RPS6KA2: variants seen among roughly 807,000 people sequenced by gnomAD.
RPS6KA2 encodes the protein ribosomal protein S6 kinase A2.
A neutral mutation model predicts 91.8 loss-of-function variants in RPS6KA2; 42 were observed. That is an observed-to-expected ratio of 0.46 (90% confidence interval 0.36 to 0.59). The LOEUF is 0.59. RPS6KA2 is among the 20% of genes least tolerant of loss of function. The pLI, the probability that RPS6KA2 is intolerant of heterozygous loss-of-function variation, is 0.00. For synonymous variants in RPS6KA2, 414 were observed against 393.6 expected, an observed-to-expected ratio of 1.05 and a Z score of -0.61; for missense variants, 798 against 978.5, an observed-to-expected ratio of 0.82 and a Z score of 2.46.
At chr6:166,571,228 A>C (rs1008944634) in intron 1 of RPS6KA2, among the ~76,000 whole-genome samples, 1 of 152,210 alleles carries the variant, frequency 6.6e-6, no homozygotes, top group African/African-American at 2.4e-5. Flanking sequence ...GAAATTCATC[A>C]GGTGAAAAAT....
intron 2 of RPS6KA2, among the ~76,000 whole-genome samples, chr6:166,681,678 C>G (rs1417552203): frequency 4.4e-5 from 3 of 68,808 alleles, no homozygotes; most frequent in Non-Finnish European, 8.1e-5. Flanking sequence ...CTCCCTGGAT[C>G]TCCCCCTGCC....
At chr6:166,792,131 T>C (rs1000920724) in intron 2 of RPS6KA2, among the ~76,000 whole-genome samples, 8 of 151,448 alleles carry the variant, frequency 5.3e-5, no homozygotes, top group Non-Finnish European at 1.2e-4. Flanking sequence ...GCAAGACTAA[T>C]AAAGAAGAAA....
Position 166,813,199 on chromosome 6 carries a change from T to C in RPS6KA2, c.123+45001A>G, listed in dbSNP as rs149694400. 2.1e-3 allele frequency among the ~76,000 whole-genome samples: 322 copies of C among 152,080 alleles called. 1 individual carries two copies. The highest frequency in any genetic ancestry group is 3.1e-3 in the Non-Finnish European group (210 of 68,004). On this transcript the variant is annotated intron_variant, in intron 2 of 21. Coordinates refer to the RPS6KA2 transcript ENST00000503859. ...GGAGGTAGGTCCACAGGCCTGCATT[T>C]AACAAGCGGAAGCCAGCACACGTGC... is the stretch of plus-strand genomic sequence containing the variant.
Position 166,648,177 on chromosome 6 carries a change from C to A in RPS6KA2, c.124-109393G>T, listed in dbSNP as rs1202828842. ...TTACACACCCATGCACACATGCTCA[C>A]ACACATGCACACATGCTCATACACA... On this transcript the variant is annotated intron_variant, in intron 2 of 21. Coordinates refer to the RPS6KA2 transcript ENST00000503859. The surrounding 1 kb of genome is among the most constrained non-coding windows in gnomAD (Gnocchi z 4.8). Among the ~76,000 whole-genome samples the A allele has an allele frequency of 1.3e-5, 2 of 149,792 alleles. No individual in the cohort carries two copies. The highest frequency in any genetic ancestry group is 3.0e-5 in the Non-Finnish European group (2 of 67,284).
intron 2 of RPS6KA2, among the ~76,000 whole-genome samples, chr6:166,816,643 T>C (rs1248517167): frequency 6.6e-6 from 1 of 152,066 alleles, no homozygotes; most frequent in Non-Finnish European, 1.5e-5. Flanking sequence ...TGAAAAAACA[T>C]ATAAGTAGAT....
At chr6:166,541,641 C>T (rs1246867065) in intron 1 of RPS6KA2, among the ~76,000 whole-genome samples, 3 of 152,206 alleles carry the variant, frequency 2.0e-5, no homozygotes, top group East Asian at 1.9e-4. Context: ...CTCAGCACTT[C>T]CAAATTGCCA....
At chr6:166,598,429 G>C (rs1054985388) in intron 1 of RPS6KA2, among the ~76,000 whole-genome samples, 1 of 152,198 alleles carries the variant, frequency 6.6e-6, no homozygotes, top group Non-Finnish European at 1.5e-5. Flanking sequence ...GCAAAATTAA[G>C]ACTGGATTCT....
intron 2 of RPS6KA2, among the ~76,000 whole-genome samples, chr6:166,652,026 A>G (rs1787869668): frequency 6.6e-6 from 1 of 152,262 alleles, no homozygotes; most frequent in East Asian, 1.9e-4. Flanking sequence ...CTGCTAGTAG[A>G]CTTTCAACGC....
At position 166,418,190 on chromosome 6, in the gene RPS6KA2, G is replaced by C; in HGVS notation, c.1938+35C>G. On this transcript the variant is annotated intron_variant, in intron 19 of 20. Coordinates refer to ENST00000265678, the MANE Select transcript of RPS6KA2 (RefSeq NM_021135.6). This position sits in a 1 kb window ranked among gnomAD's most constrained non-coding sequence, Gnocchi z 4.9. The stretch of plus-strand genomic sequence containing the variant: ...AAATCATATGGCTATTTCAGAATCT[G>C]AATATTTAAAAGCAACGCTGGGACA... The C allele has an allele frequency of 7.2e-7, 1 of 1,384,546 alleles. No homozygotes were observed. The highest frequency in any genetic ancestry group is 1.0e-6 in the Non-Finnish European group (1 of 980,728). 85.8% of individuals were successfully genotyped at this position (1,384,546 alleles called of 1,614,324 possible). A position where few individuals can be genotyped will look rare whatever the true frequency, so the allele number is the denominator to read the frequency against.
intron 1 of RPS6KA2, among the ~76,000 whole-genome samples, chr6:166,566,201 C>G (rs1337190289): frequency 6.6e-6 from 1 of 152,204 alleles, no homozygotes; most frequent in Admixed American, 6.5e-5. Flanking sequence ...GCGCAGGCTG[C>G]TACTGCAGGG....
chr6:166,561,909 C>G (rs1784356919), intron 1 of RPS6KA2, among the ~76,000 whole-genome samples: 1 of 152,062 alleles, frequency 6.6e-6, no homozygotes, highest in African/African-American at 2.4e-5. Flanking sequence ...GAGCGGCCAC[C>G]AGAAGCCAAG....
Position 166,508,800 on chromosome 6 carries a change from C to T in RPS6KA2, c.380-518G>A, listed in dbSNP as rs1428457649. On this transcript the variant is annotated intron_variant, in intron 4 of 20. Coordinates refer to ENST00000265678, the MANE Select transcript of RPS6KA2 (RefSeq NM_021135.6). The surrounding 1 kb of genome is among the most constrained non-coding windows in gnomAD (Gnocchi z 4.3). ...TAGGTCAGCCCAGTTATTTGAACAT[C>T]AACAATGGGGCTCACGTCCTAGGTC... 2.0e-5 allele frequency among the ~76,000 whole-genome samples: 3 copies of T among 152,166 alleles called. No homozygotes were observed. Among genetic ancestry groups the T allele is most frequent in the Non-Finnish European group, 4.4e-5 (3 of 68,032 alleles).
At position 166,648,973 on chromosome 6, in the gene RPS6KA2, C is replaced by T. The variant is rs1034822168; in HGVS notation, c.124-110189G>A. On this transcript the variant is annotated intron_variant, in intron 2 of 21. Coordinates refer to the RPS6KA2 transcript ENST00000503859. The surrounding 1 kb of genome is among the most constrained non-coding windows in gnomAD (Gnocchi z 4.8). Reference sequence around the variant, plus strand: ...TCATGCCAGCCCTACTAATGGGCTCCTTCCTTCGCCCCTCCTCCAGTCTAG... The same window carrying T: ...TCATGCCAGCCCTACTAATGGGCTCTTTCCTTCGCCCCTCCTCCAGTCTAG... Among the ~76,000 whole-genome samples, 2 of 152,200 alleles carry T rather than the reference C, an allele frequency of 1.3e-5. No homozygotes were observed. Among genetic ancestry groups the T allele is most frequent in the African/African-American group, 4.8e-5 (2 of 41,436 alleles).
At chr6:166,430,267 T>C (rs1779076218) in intron 16 of RPS6KA2, among the ~76,000 whole-genome samples, 186 bp downstream of exon 16, 2 of 152,092 alleles carry the variant, frequency 1.3e-5, no homozygotes, top group Admixed American at 1.3e-4. Flanking sequence ...TGCACCCGGC[T>C]GGGAAGAGAA....
chr6:166,681,699 C>CCCCCCACCCCCCA (rs1562380174), intron 2 of RPS6KA2, among the ~76,000 whole-genome samples: 1 of 62,642 alleles, frequency 1.6e-5, no homozygotes, highest in African/African-American at 8.9e-5. Flanking sequence ...CGCCCCCCCC[C>CCCCCCACCCCCCA]CCGCCCCCGC....
At chr6:166,745,146 GCCTT>G (rs1790953932) in intron 2 of RPS6KA2, among the ~76,000 whole-genome samples, 4 of 141,608 alleles carry the variant, frequency 2.8e-5, no homozygotes, top group East Asian at 2.1e-4. Context: ...GTCCTAATCG[GCCTT>G]TTTTTTTTTT....
intron 2 of RPS6KA2, among the ~76,000 whole-genome samples, chr6:166,535,179 T>C (rs572293239): frequency 6.6e-6 from 1 of 152,340 alleles, no homozygotes; most frequent in East Asian, 1.9e-4. Context: ...CGTGCTGCAT[T>C]GCAAAGATGC....
At chr6:166,779,703 G>C (rs1583108514) in intron 2 of RPS6KA2, among the ~76,000 whole-genome samples, 1 of 152,172 alleles carries the variant, frequency 6.6e-6, no homozygotes, top group East Asian at 1.9e-4. Flanking sequence ...CTTTCCATGA[G>C]CAGATTCGGC....
intron 2 of RPS6KA2, among the ~76,000 whole-genome samples, chr6:166,828,444 C>A (rs577643588): frequency 6.6e-6 from 1 of 152,232 alleles, no homozygotes; most frequent in Admixed American, 6.5e-5. Flanking sequence ...TTCCTTCACC[C>A]TTCCTTCCAG....
Sources: allele counts gnomAD v4.1 joint callset (sites outside exome capture counted in the v4.1 genomes callset), GRCh38; gene constraint gnomAD v4.1.1; non-coding constraint Gnocchi (gnomAD v3.1); transcripts MANE v1.5; gene names NCBI Gene and HGNC (gene_info 2026-07-23, HGNC 2026-07-21).